Variants in ABHD2 observed in about 807,000 individuals in gnomAD.
ABHD2 encodes abhydrolase domain containing 2, acylglycerol lipase.
ABHD2 carries 20 observed loss-of-function variants against 48.1 expected under a neutral mutation model. That is an observed-to-expected ratio of 0.42 (90% CI 0.29 to 0.60). ABHD2 has a LOEUF of 0.60. ABHD2 is among the 20% of genes least tolerant of loss of function. ABHD2 has a pLI of 0.24. For synonymous variants in ABHD2, 209 were observed against 214.2 expected, an observed-to-expected ratio of 0.98 and a Z score of 0.21; for missense variants, 405 against 550.9, an observed-to-expected ratio of 0.74 and a Z score of 2.65.
chr15:89,135,639 C>T, intron 3 of ABHD2: 1 of 1,554,608 alleles, frequency 6.4e-7, no homozygotes, highest in Non-Finnish European at 8.7e-7. Context: ...TTTTTTCAGC[C>T]TTGACAACTC....
At position 89,187,946 on chromosome 15, in the gene ABHD2, G is replaced by A. The variant is rs527317187; in HGVS notation, c.816-247G>A. On this transcript the variant is annotated intron_variant, in intron 7 of 10. Coordinates refer to ENST00000352732, the MANE Select transcript of ABHD2 (RefSeq NM_152924.5). ...TTGAGCCCCCCTCCCCTGTGCTGAAGGTTTTTTAATATTCAACTAGGTTCA... is the reference window on the plus strand; with the variant it reads ...TTGAGCCCCCCTCCCCTGTGCTGAAAGTTTTTTAATATTCAACTAGGTTCA... Among the ~76,000 whole-genome samples the A allele has an allele frequency of 7.9e-5, 12 of 152,192 alleles. 1 individual carries two copies. Among genetic ancestry groups the A allele is most frequent in the Non-Finnish European group, 1.6e-4 (11 of 68,032 alleles).
intron 3 of ABHD2, among the ~76,000 whole-genome samples, chr15:89,147,093 A>G (rs2050504407): frequency 6.6e-6 from 1 of 152,230 alleles, no homozygotes; most frequent in Non-Finnish European, 1.5e-5. Context: ...AAACTAGAAT[A>G]CAAAGTATAG....
rs367855524 is a variant in ABHD2, at chr15:89,186,932, C to T, written c.816-1261C>T. Among the ~76,000 whole-genome samples, 15 of 152,322 alleles carry T rather than the reference C, an allele frequency of 9.8e-5. No individual in the cohort carries two copies. Among genetic ancestry groups the T allele is most frequent in the African/African-American group, 2.4e-4 (10 of 41,568 alleles). ...GTTGCCAAACATGTCCTTGTGTCCT[C>T]GTGTCTGGAAGGAGAGCAGAGGGAG... On this transcript the variant is annotated intron_variant, in intron 7 of 10. Coordinates refer to ENST00000352732, the MANE Select transcript of ABHD2 (RefSeq NM_152924.5). This position sits in a 1 kb window ranked among gnomAD's most constrained non-coding sequence, Gnocchi z 4.3.
intron 3 of ABHD2, among the ~76,000 whole-genome samples, chr15:89,136,677 T>A (rs2050318626): frequency 1.3e-5 from 2 of 152,328 alleles, no homozygotes; most frequent in East Asian, 3.9e-4. Context: ...AGCTCCTAGT[T>A]GATTAGCGTG....
intron 3 of ABHD2, among the ~76,000 whole-genome samples, chr15:89,130,574 C>T (rs1314814057): frequency 3.3e-5 from 5 of 152,148 alleles, no homozygotes; most frequent in African/African-American, 1.2e-4. Context: ...CAAACCATGG[C>T]TTTAGGCTGC....
At chr15:89,132,842 T>C (rs1468641000) in intron 3 of ABHD2, among the ~76,000 whole-genome samples, 2 of 152,230 alleles carry the variant, frequency 1.3e-5, no homozygotes, top group East Asian at 3.8e-4. Flanking sequence ...GATGAAGGTC[T>C]GGTGCCTAAG....
chr15:89,085,185 T>C (rs923337476), upstream of ABHD2, among the ~76,000 whole-genome samples: 1 of 152,066 alleles, frequency 6.6e-6, no homozygotes, highest in African/African-American at 2.4e-5. The surrounding 1 kb of genome is among the most constrained non-coding windows in gnomAD (Gnocchi z 4.2). Flanking sequence ...TCCTGCAGCT[T>C]TGGCCATCCC....
At chr15:89,152,396 C>A (rs535789556) in intron 4 of ABHD2, among the ~76,000 whole-genome samples, 1 of 152,258 alleles carries the variant, frequency 6.6e-6, no homozygotes, top group Non-Finnish European at 1.5e-5. Context: ...AGGTTTTAAT[C>A]CTGTTGTGAA....
chr15:89,047,151 T>G, the ABHD2 span, among the ~76,000 whole-genome samples: 1 of 152,124 alleles, frequency 6.6e-6, no homozygotes, highest in African/African-American at 2.4e-5. Flanking sequence ...CATTTCGTTA[T>G]GTACCCAGTA....
the ABHD2 span, among the ~76,000 whole-genome samples, chr15:89,061,139 G>A: frequency 2.0e-5 from 3 of 152,146 alleles, no homozygotes; most frequent in South Asian, 2.1e-4. Context: ...ACTGGGGGCC[G>A]GGCATGGTGG....
At chr15:89,156,278 G>A (rs558633517) in intron 5 of ABHD2, among the ~76,000 whole-genome samples, 9 of 151,742 alleles carry the variant, frequency 5.9e-5, no homozygotes, top group Admixed American at 6.6e-5. Flanking sequence ...CCGCCACCAC[G>A]CCTGGCTAAT....
the ABHD2 span, among the ~76,000 whole-genome samples, chr15:89,071,493 T>A: frequency 6.6e-6 from 1 of 152,198 alleles, no homozygotes; most frequent in East Asian, 1.9e-4. Context: ...AGTGGCAGAC[T>A]GGACAGGAAA....
At chr15:89,049,595 G>A in the ABHD2 span, among the ~76,000 whole-genome samples, 9 of 152,354 alleles carry the variant, frequency 5.9e-5, no homozygotes, top group African/African-American at 1.2e-4. Flanking sequence ...CTCCTCGTGC[G>A]CCGTTTTTTA....
At chr15:89,047,355 G>GA in the ABHD2 span, among the ~76,000 whole-genome samples, 35 of 151,726 alleles carry the variant, frequency 2.3e-4, no homozygotes, top group Non-Finnish European at 4.7e-4. Flanking sequence ...GTGTGGTGCT[G>GA]AAAAAAATGT....
chr15:89,194,266 A>T (rs2051356307), intron 10 of ABHD2, among the ~76,000 whole-genome samples: 1 of 152,004 alleles, frequency 6.6e-6, no homozygotes, highest in Admixed American at 6.6e-5. Flanking sequence ...TGGGAGGCCG[A>T]GGTAGGCAGA....
intron 3 of ABHD2, among the ~76,000 whole-genome samples, chr15:89,142,859 T>C (rs1009314096): frequency 6.6e-6 from 1 of 152,186 alleles, no homozygotes; most frequent in African/African-American, 2.4e-5. Flanking sequence ...GCCTCCTGCG[T>C]TCCCATTGAA....
At chr15:89,063,925 T>C in the ABHD2 span, among the ~76,000 whole-genome samples, 1 of 152,058 alleles carries the variant, frequency 6.6e-6, no homozygotes, top group African/African-American at 2.4e-5. Flanking sequence ...TGTGCAGCTG[T>C]GCAGCCTGGT....
Position 89,176,113 on chromosome 15 carries a change from G to T in ABHD2, c.722+118G>T. ...GAACACTGTGGCCGACTGAGTAGAAGTTTCTGAGTCTTGGACTCACCTTGT... is the reference window on the plus strand; with the variant it reads ...GAACACTGTGGCCGACTGAGTAGAATTTTCTGAGTCTTGGACTCACCTTGT... On this transcript the variant is annotated intron_variant, in intron 6 of 10. Transcript: ENST00000352732. The surrounding 1 kb of genome is among the most constrained non-coding windows in gnomAD (Gnocchi z 4.5). 8.9e-7 allele frequency: 1 copy of T among 1,128,458 alleles called. No homozygotes were observed. The highest frequency in any genetic ancestry group is 1.2e-6 in the Non-Finnish European group (1 of 805,498). The allele number at this position is 1,128,458 out of a possible 1,614,324, so 69.9% of individuals were successfully genotyped here. A position where few individuals can be genotyped will look rare whatever the true frequency, so the allele number is the denominator to read the frequency against.
the ABHD2 span, among the ~76,000 whole-genome samples, chr15:89,066,397 T>A: frequency 6.6e-6 from 1 of 152,164 alleles, no homozygotes; most frequent in Non-Finnish European, 1.5e-5. Context: ...CGTATTCAAA[T>A]CTCCTCCTCC....
Sources: gnomAD v4.1 joint callset for allele counts (sites outside exome capture counted in the v4.1 genomes callset) on GRCh38, gnomAD v4.1.1 for gene constraint, Gnocchi (gnomAD v3.1) non-coding constraint, MANE v1.5 for transcripts, NCBI Gene and HGNC (gene_info 2026-07-23, HGNC 2026-07-21) for gene names.